Variants in RANBP17 observed in about 807,000 individuals in gnomAD.
RANBP17 encodes RAN binding protein 17, also known as ran-binding protein 17.
A neutral mutation model predicts 141.2 loss-of-function variants in RANBP17; 158 were observed. That is an observed-to-expected ratio of 1.12 (90% CI 0.98 to 1.28). RANBP17 has a LOEUF of 1.28. RANBP17 is among the 50% of genes most tolerant of loss of function. RANBP17 has a pLI of 0.00. For synonymous variants in RANBP17, 430 were observed against 450.0 expected (o/e 0.96, Z 0.56); for missense variants, 1,438 against 1,290.7 (o/e 1.11, Z -1.75).
chr5:171,023,552 C>G (rs1401063043), intron 14 of RANBP17, among the ~76,000 whole-genome samples: 4 of 152,038 alleles, frequency 2.6e-5, no homozygotes, highest in African/African-American at 9.7e-5. Flanking sequence ...AATGGATTCT[C>G]TCATCTACTT....
intron 14 of RANBP17, among the ~76,000 whole-genome samples, chr5:170,999,602 C>T (rs988378756): frequency 1.3e-5 from 2 of 152,016 alleles, no homozygotes; most frequent in South Asian, 2.1e-4. Flanking sequence ...ATTGTTTTTA[C>T]GTGCTTAGAA....
intron 1 of RANBP17, 81 bp downstream of exon 1, chr5:170,862,132 G>A (rs942913305): frequency 1.5e-6 from 2 of 1,344,606 alleles, no homozygotes; most frequent in African/African-American, 1.5e-5. Context: ...GAGGGCCGAG[G>A]ACAGCGGCGG....
In RANBP17 at chr5:171,205,525, G is replaced by A. The variant is rs371474320; in HGVS notation, c.2144G>A (p.Arg715His). 57 of 1,613,132 alleles carry A rather than the reference G, an allele frequency of 3.5e-5. No homozygotes were observed. Among genetic ancestry groups the A allele is most frequent in the South Asian group, 1.4e-4 (13 of 91,064 alleles). Residue 715 changes from arginine (R) to histidine (H), a missense_variant and splice_region_variant, in exon 20 of 28, where the codon CGT becomes CAT. Coordinates refer to ENST00000523189, the MANE Select transcript of RANBP17 (RefSeq NM_022897.5). ...ACTGTGTCTCTTTCCCACTGACAGC[G>A]TATGTTGATCGGGCTGGCAAGAGAT... ...NNNFKQEDVK[R>H]MLIGLARDLR...
intron 22 of RANBP17, among the ~76,000 whole-genome samples, chr5:171,232,794 A>G (rs1764282164): frequency 6.6e-6 from 1 of 152,124 alleles, no homozygotes; most frequent in South Asian, 2.1e-4. Flanking sequence ...CTATGTTAAC[A>G]TATATAAATC....
At chr5:171,129,332 G>T (rs976517561) in intron 14 of RANBP17, among the ~76,000 whole-genome samples, 5 of 152,098 alleles carry the variant, frequency 3.3e-5, no homozygotes, top group Admixed American at 3.3e-4. Flanking sequence ...AATGCAATCT[G>T]TTTCTACTAC....
intron 22 of RANBP17, among the ~76,000 whole-genome samples, chr5:171,230,477 T>C (rs1764143795): frequency 6.6e-6 from 1 of 152,100 alleles, no homozygotes. Context: ...ATTACAACTT[T>C]AGGCTGGGCA....
chr5:171,194,160 G>A (rs1227263278), intron 18 of RANBP17, among the ~76,000 whole-genome samples: 1 of 152,082 alleles, frequency 6.6e-6, no homozygotes, highest in African/African-American at 2.4e-5. Context: ...TGTACATTTC[G>A]GAGGGGGAGC....
chr5:171,055,268 A>G (rs1486220727), intron 14 of RANBP17, among the ~76,000 whole-genome samples: 1 of 152,158 alleles, frequency 6.6e-6, no homozygotes, highest in African/African-American at 2.4e-5. Flanking sequence ...GCTAGAAATC[A>G]CTGGTTGGTT....
At chr5:170,916,116 A>G (rs896026239) in intron 8 of RANBP17, among the ~76,000 whole-genome samples, 6 of 144,558 alleles carry the variant, frequency 4.2e-5, no homozygotes, top group Non-Finnish European at 7.6e-5. Flanking sequence ...GTTATATTCT[A>G]TATTGCATTA....
chr5:170,866,155 A>G (rs1274173715), intron 1 of RANBP17, among the ~76,000 whole-genome samples: 1 of 152,084 alleles, frequency 6.6e-6, no homozygotes, highest in East Asian at 1.9e-4. Context: ...GCCAGCCCCC[A>G]GCCTACCACT....
At chr5:170,944,957 A>AT (rs1165542717) in intron 12 of RANBP17, among the ~76,000 whole-genome samples, 2 of 151,922 alleles carry the variant, frequency 1.3e-5, no homozygotes, top group African/African-American at 2.4e-5. Context: ...AAAATTATTG[A>AT]TTTTTTCCTC....
intron 14 of RANBP17, among the ~76,000 whole-genome samples, chr5:171,167,415 GTTAT>G (rs1213993417): frequency 2.6e-5 from 4 of 152,094 alleles, no homozygotes; most frequent in Admixed American, 2.0e-4. Context: ...GTCCACTGTA[GTTAT>G]TTATCGAAAA....
At chr5:170,895,497 A>G (rs1326839379) in intron 4 of RANBP17, among the ~76,000 whole-genome samples, 6 of 152,220 alleles carry the variant, frequency 3.9e-5, no homozygotes, top group African/African-American at 9.6e-5. Context: ...TGTACTTTAC[A>G]TGCCATCATT....
At chr5:171,062,638 T>G (rs1402169257) in intron 14 of RANBP17, among the ~76,000 whole-genome samples, 1 of 152,164 alleles carries the variant, frequency 6.6e-6, no homozygotes, top group East Asian at 1.9e-4. Flanking sequence ...ATTATGTGTC[T>G]TGGAGTTGCT....
At chr5:171,288,408 C>A (rs1360432246) in intron 25 of RANBP17, among the ~76,000 whole-genome samples, 3 of 152,154 alleles carry the variant, frequency 2.0e-5, no homozygotes, top group African/African-American at 7.2e-5. Flanking sequence ...TTTTGTCACA[C>A]CATCAGTCCT....
At chr5:171,252,691 A>G in intron 24 of RANBP17, 1 of 1,452,008 alleles carries the variant, frequency 6.9e-7, no homozygotes, top group Non-Finnish European at 9.7e-7. Context: ...AGGTGATGCC[A>G]CCAATCCAGA....
intron 1 of RANBP17, 73 bp from the exon 2 acceptor site, chr5:170,878,024 C>A (rs1478518677): frequency 2.8e-6 from 3 of 1,082,320 alleles, no homozygotes; most frequent in East Asian, 5.1e-5. Context: ...ATTTGTATCC[C>A]TTGTTTTTTG....
chr5:171,257,185 A>G (rs1482345642), intron 24 of RANBP17, among the ~76,000 whole-genome samples: 1 of 152,224 alleles, frequency 6.6e-6, no homozygotes, highest in African/African-American at 2.4e-5. Context: ...AATCAAATCC[A>G]ACAGCATATC....
At chr5:171,275,950 CT>C (rs1397206951) in intron 25 of RANBP17, among the ~76,000 whole-genome samples, 1 of 152,166 alleles carries the variant, frequency 6.6e-6, no homozygotes, top group African/African-American at 2.4e-5. Flanking sequence ...TATATGTAGC[CT>C]TTTGTTTATC....
Sources: gnomAD v4.1 joint callset for allele counts (sites outside exome capture counted in the v4.1 genomes callset) on GRCh38, gnomAD v4.1.1 for gene constraint, MANE v1.5 for transcripts, NCBI Gene and HGNC (gene_info 2026-07-23, HGNC 2026-07-21) for gene names.